Variants in VWC2L observed in about 807,000 individuals in gnomAD.
VWC2L encodes the protein von Willebrand factor C domain-containing protein 2-like.
In VWC2L, 10 loss-of-function variants were observed where a neutral mutation model predicts 21.6. That is an observed-to-expected ratio of 0.46 (90% CI 0.29 to 0.78). The LOEUF (loss-of-function observed/expected upper bound fraction) is 0.78. VWC2L is among the 30% of genes least tolerant of loss of function. The pLI is 0.10. For synonymous variants in VWC2L, 96 were observed against 94.3 expected (o/e 1.02, Z -0.10); for missense variants, 209 against 277.1 (o/e 0.75, Z 1.74).
chr2:214,555,260 A>G (rs1230373082), intron 3 of VWC2L, among the ~76,000 whole-genome samples: 2 of 152,170 alleles, frequency 1.3e-5, no homozygotes, highest in African/African-American at 2.4e-5. Context: ...TAACAAATGT[A>G]CACCTTCTGT....
intron 3 of VWC2L, among the ~76,000 whole-genome samples, chr2:214,501,401 T>C (rs912088524): frequency 7.9e-5 from 12 of 152,086 alleles, no homozygotes; most frequent in Non-Finnish European, 7.4e-5. Flanking sequence ...TACGTGTACC[T>C]GCCCACTCCC....
chr2:214,448,400 C>T (rs1702871152), intron 3 of VWC2L, among the ~76,000 whole-genome samples: 1 of 152,186 alleles, frequency 6.6e-6, no homozygotes. Context: ...ATAACTTTCA[C>T]ATGGAGAGTC....
rs114772945 is a variant in VWC2L at position 214,467,866 on chromosome 2, C to T, written c.520+31108C>T. Among the ~76,000 whole-genome samples, 496 of 152,208 alleles carry T rather than the reference C, an allele frequency of 3.3e-3. 5 individuals carry two copies. The highest frequency in any genetic ancestry group is 0.011 in the African/African-American group (474 of 41,520). On this transcript the variant is annotated intron_variant, in intron 3 of 3. Coordinates refer to ENST00000312504, the MANE Select transcript of VWC2L (RefSeq NM_001080500.4). ...ATATTTTTAATAACATAGTATGAAG[C>T]CAGGAGCAGTGGTGTGCACCTATAG...
chr2:214,466,225 CT>C (rs942273398), intron 3 of VWC2L, among the ~76,000 whole-genome samples: 5 of 152,018 alleles, frequency 3.3e-5, no homozygotes, highest in Admixed American at 3.3e-4. Flanking sequence ...CTCAGTAAAC[CT>C]TTAGTTTTGA....
In VWC2L at chr2:214,470,916, C is replaced by CAAAAAAAAAAA. The variant is rs56041924; in HGVS notation, c.520+34175_520+34185dup. ...TGGGCAACAGAGTGAAACTCCATCTCAAAAAAAAAAAAAAAAAAAAAAAAA... is the reference window on the plus strand; with the variant it reads ...TGGGCAACAGAGTGAAACTCCATCTCAAAAAAAAAAAAAAAAAAAAAAAAAAAAAAAAAAAA... On this transcript the variant is annotated intron_variant, in intron 3 of 3. Coordinates refer to ENST00000312504, the MANE Select transcript of VWC2L (RefSeq NM_001080500.4). Among the ~76,000 whole-genome samples, 23 of 50,796 alleles carry CAAAAAAAAAAA rather than the reference C, an allele frequency of 4.5e-4. 2 individuals carry two copies. The highest frequency in any genetic ancestry group is 2.3e-3 in the African/African-American group (23 of 9,968). The allele number at this position is 50,796 out of a possible 152,430, so 33.3% of individuals were successfully genotyped here.
intron 3 of VWC2L, among the ~76,000 whole-genome samples, chr2:214,502,387 T>A (rs1688906154): frequency 1.3e-5 from 2 of 152,096 alleles, no homozygotes; most frequent in Non-Finnish European, 2.9e-5. Flanking sequence ...CTAGCCAATA[T>A]GGTGAAACCC....
chr2:214,502,916 G>A lies in VWC2L; in HGVS notation c.520+66158G>A, dbSNP rs184611049. On this transcript the variant is annotated intron_variant, in intron 3 of 3. Coordinates refer to ENST00000312504, the MANE Select transcript of VWC2L (RefSeq NM_001080500.4). ...CCCTAATACTTGGTATTACCATAAC[G>A]TCACATTTCATCAGCTTCTATTTGT... Among the ~76,000 whole-genome samples the A allele has an allele frequency of 3.7e-4, 57 of 152,154 alleles. 1 individual carries two copies. Among genetic ancestry groups the A allele is most frequent in the Admixed American group, 6.5e-4 (10 of 15,282 alleles).
chr2:214,493,261 T>C (rs574149827), intron 3 of VWC2L, among the ~76,000 whole-genome samples: 1 of 152,190 alleles, frequency 6.6e-6, no homozygotes, highest in Non-Finnish European at 1.5e-5. Context: ...TTAAATAAAG[T>C]ATGACTAGTT....
rs186344210 is a variant in VWC2L, at chr2:214,530,879, A to T, written c.521-44793A>T. ...CCTGAAATCTCTAAACCATTGCTTA[A>T]ACAGCAATATTAACTTTGTGTGTTT... On this transcript the variant is annotated intron_variant, in intron 3 of 3. Transcript: ENST00000312504. Among the ~76,000 whole-genome samples, 736 of 152,328 alleles carry T rather than the reference A, an allele frequency of 4.8e-3. 3 individuals are homozygous for T. The highest frequency in any genetic ancestry group is 8.5e-3 in the Non-Finnish European group (576 of 68,012).
rs141163137 is a variant in VWC2L at position 214,498,184 on chromosome 2, C to T, written c.520+61426C>T. Among the ~76,000 whole-genome samples the T allele has an allele frequency of 2.5e-3, 386 of 152,234 alleles. 2 individuals are homozygous for T. Among genetic ancestry groups the T allele is most frequent in the African/African-American group, 8.7e-3 (362 of 41,544 alleles). ...TATCACTCCACCCACCTTTGCATGG[C>T]ACTAACTTGGGACTCCACTTAGATG... On this transcript the variant is annotated intron_variant, in intron 3 of 3. Coordinates refer to ENST00000312504, the MANE Select transcript of VWC2L (RefSeq NM_001080500.4).
intron 3 of VWC2L, among the ~76,000 whole-genome samples, chr2:214,491,239 G>GA (rs1367022944): frequency 3.3e-5 from 5 of 152,144 alleles, no homozygotes; most frequent in Non-Finnish European, 7.4e-5. Context: ...AGGTTAGGGG[G>GA]ATGTTTTAAT....
In VWC2L at chr2:214,416,535, A is replaced by T. The variant is rs147627698; in HGVS notation, c.390+1952A>T. 7.6e-4 allele frequency among the ~76,000 whole-genome samples: 116 copies of T among 152,178 alleles called. 1 individual carries two copies. Among genetic ancestry groups the T allele is most frequent in the African/African-American group, 2.4e-3 (100 of 41,564 alleles). ...AGAGTTTTAGAGACTATATAGGGCA[A>T]ATGTGTCAGAATGAGAAACTGAGAC... On this transcript the variant is annotated intron_variant, in intron 2 of 3. Transcript: ENST00000312504.
chr2:214,484,138 T>G (rs1688644171), intron 3 of VWC2L, among the ~76,000 whole-genome samples: 1 of 152,122 alleles, frequency 6.6e-6, no homozygotes, highest in Non-Finnish European at 1.5e-5. Context: ...GCTTTTCCTT[T>G]TAATAAGGAC....
chr2:214,541,873 T>A (rs537715013), intron 3 of VWC2L, among the ~76,000 whole-genome samples: 1 of 151,988 alleles, frequency 6.6e-6, no homozygotes, highest in South Asian at 2.1e-4. Context: ...GAATTTTAGA[T>A]AGCATTAGAG....
intron 3 of VWC2L, among the ~76,000 whole-genome samples, chr2:214,555,574 A>G (rs894135800): frequency 9.2e-5 from 14 of 152,228 alleles, no homozygotes; most frequent in African/African-American, 3.4e-4. Flanking sequence ...TATTCTTAAT[A>G]GTTTAAAACT....
chr2:214,561,872 TTAA>T (rs997933075), intron 3 of VWC2L, among the ~76,000 whole-genome samples: 1 of 149,948 alleles, frequency 6.7e-6, no homozygotes, highest in Non-Finnish European at 1.5e-5. Flanking sequence ...ATATCTAAAT[TTAA>T]TATATCAAAA....
At chr2:214,564,454 C>T (rs937865104) in intron 3 of VWC2L, among the ~76,000 whole-genome samples, 3 of 138,976 alleles carry the variant, frequency 2.2e-5, no homozygotes, top group Non-Finnish European at 3.1e-5. Context: ...CAGCATGGTA[C>T]TGGTACAAAA....
At chr2:214,418,006 G>C (rs1345182947) in intron 2 of VWC2L, among the ~76,000 whole-genome samples, 1 of 152,034 alleles carries the variant, frequency 6.6e-6, no homozygotes, top group African/African-American at 2.4e-5. Context: ...TCAAACTCTT[G>C]GTGGCTTTTT....
intron 3 of VWC2L, among the ~76,000 whole-genome samples, chr2:214,531,711 C>T (rs895364495): frequency 1.3e-5 from 2 of 152,066 alleles, no homozygotes; most frequent in Non-Finnish European, 2.9e-5. Flanking sequence ...TGTGACTGTC[C>T]AGGGGAGCGC....
Sources: allele counts gnomAD v4.1 joint callset (sites outside exome capture counted in the v4.1 genomes callset), GRCh38; gene constraint gnomAD v4.1.1; transcripts MANE v1.5; gene names NCBI Gene and HGNC (gene_info 2026-07-23, HGNC 2026-07-21).